The following LINGO2 variants were observed in gnomAD, a reference collection of about 807,000 sequenced individuals.
The protein encoded by LINGO2 is leucine rich repeat and Ig domain containing 2, also known as leucine-rich repeat and immunoglobulin-like domain-containing nogo receptor-interacting protein 2.
LINGO2 carries 14 observed loss-of-function variants against 30.6 expected under a neutral mutation model. The ratio of observed to expected loss-of-function variants is 0.46; its 90% confidence interval spans 0.30 to 0.72. The LOEUF (loss-of-function observed/expected upper bound fraction) is 0.72, where lower values mean the gene tolerates loss of function less well. Among genes scored for constraint, LINGO2 ranks in the 30% least tolerant of loss-of-function variants. LINGO2 has a pLI of 0.07. For synonymous variants in LINGO2, 317 were observed against 288.5 expected, an observed-to-expected ratio of 1.10 and a Z score of -1.00; for missense variants, 729 against 751.7, an observed-to-expected ratio of 0.97 and a Z score of 0.35.
the LINGO2 span, among the ~76,000 whole-genome samples, chr9:29,135,317 T>C: frequency 6.6e-6 from 1 of 152,214 alleles, no homozygotes; most frequent in African/African-American, 2.4e-5. Flanking sequence ...CCCAGCACTT[T>C]TGGAGGCCAA....
chr9:28,204,389 C>T (rs1820341403), intron 4 of LINGO2, among the ~76,000 whole-genome samples: 1 of 152,182 alleles, frequency 6.6e-6, no homozygotes, highest in African/African-American at 2.4e-5. Context: ...AAAGGACCTA[C>T]TCACACACAT....
At chr9:28,903,328 G>A in the LINGO2 span, among the ~76,000 whole-genome samples, 1 of 152,026 alleles carries the variant, frequency 6.6e-6, no homozygotes, top group Non-Finnish European at 1.5e-5. Flanking sequence ...GACTCATGAA[G>A]AAACAGAAAA....
chr9:28,681,504 G>A, the LINGO2 span, among the ~76,000 whole-genome samples: 1 of 151,962 alleles, frequency 6.6e-6, no homozygotes, highest in African/African-American at 2.4e-5. Flanking sequence ...AGACAAGCAG[G>A]GATGTGGAAA....
At chr9:28,262,960 C>T (rs1822617730) in intron 4 of LINGO2, among the ~76,000 whole-genome samples, 1 of 152,012 alleles carries the variant, frequency 6.6e-6, no homozygotes, top group Admixed American at 6.6e-5. Flanking sequence ...ACAACACACA[C>T]ATTTATTCCC....
At chr9:28,615,277 T>A (rs1826089586) in intron 1 of LINGO2, among the ~76,000 whole-genome samples, 1 of 152,142 alleles carries the variant, frequency 6.6e-6, no homozygotes, top group Non-Finnish European at 1.5e-5. Context: ...AATATTCACT[T>A]AATATGTTCA....
At chr9:28,506,437 C>T (rs1820124576) in intron 1 of LINGO2, among the ~76,000 whole-genome samples, 1 of 106,918 alleles carries the variant, frequency 9.4e-6, no homozygotes, top group South Asian at 3.1e-4. Context: ...CACACACACA[C>T]ACACACACAC....
At chr9:28,875,996 A>G in the LINGO2 span, among the ~76,000 whole-genome samples, 12 of 152,042 alleles carry the variant, frequency 7.9e-5, no homozygotes, top group African/African-American at 2.7e-4. Context: ...ATATTTTCCA[A>G]AAAAAATCAA....
intron 2 of LINGO2, among the ~76,000 whole-genome samples, chr9:28,398,269 G>A (rs555202370): frequency 7.2e-5 from 11 of 152,282 alleles, no homozygotes; most frequent in Admixed American, 5.9e-4. Context: ...TTTAGAAGGC[G>A]TTGAATGAAA....
At chr9:28,433,945 CTCTCTA>C (rs58312225) in intron 2 of LINGO2, among the ~76,000 whole-genome samples, 7,299 of 57,188 alleles carry the variant, frequency 0.13, 410 homozygotes, top group African/African-American at 0.19. Context: ...CTCTCTCTCT[CTCTCTA>C]TATATATATA....
intron 2 of LINGO2, among the ~76,000 whole-genome samples, chr9:28,402,279 C>T (rs770572211): frequency 2.0e-5 from 3 of 152,034 alleles, no homozygotes; most frequent in Non-Finnish European, 4.4e-5. Flanking sequence ...ATTTGTATTT[C>T]CTCTCTCTTT....
chr9:28,855,837 A>C, the LINGO2 span, among the ~76,000 whole-genome samples: 1 of 152,062 alleles, frequency 6.6e-6, no homozygotes, highest in Non-Finnish European at 1.5e-5. Context: ...GTTTGCTCTC[A>C]GACTTTAGGG....
intron 3 of LINGO2, among the ~76,000 whole-genome samples, chr9:28,325,918 T>A (rs1016013283): frequency 5.9e-5 from 9 of 152,172 alleles, no homozygotes; most frequent in Non-Finnish European, 8.8e-5. Flanking sequence ...TCAATCTCTC[T>A]CCCCTACTGC....
the LINGO2 span, among the ~76,000 whole-genome samples, chr9:28,752,975 G>C: frequency 1.3e-5 from 2 of 152,136 alleles, no homozygotes; most frequent in South Asian, 2.1e-4. Flanking sequence ...GGTACCCAGC[G>C]AATGGGACAC....
the LINGO2 span, among the ~76,000 whole-genome samples, chr9:28,825,083 G>T: frequency 6.6e-6 from 1 of 152,082 alleles, no homozygotes; most frequent in Non-Finnish European, 1.5e-5. Context: ...AAAAGTGTAA[G>T]TCTTATTTGG....
chr9:28,526,298 T>G (rs1821034914), intron 1 of LINGO2, among the ~76,000 whole-genome samples: 1 of 152,140 alleles, frequency 6.6e-6, no homozygotes, highest in South Asian at 2.1e-4. Context: ...GCCAGAAAAA[T>G]AAACTGCTTT....
intron 1 of LINGO2, among the ~76,000 whole-genome samples, chr9:28,557,756 A>G (rs1186528055): frequency 6.7e-6 from 1 of 149,988 alleles, no homozygotes; most frequent in Non-Finnish European, 1.5e-5. Flanking sequence ...CCAAATGTCC[A>G]AAATGATAGA....
At chr9:28,331,016 C>A (rs1419202996) in intron 3 of LINGO2, among the ~76,000 whole-genome samples, 2 of 151,886 alleles carry the variant, frequency 1.3e-5, no homozygotes. Flanking sequence ...CTTTATTAAA[C>A]CTGTGTGAAG....
the LINGO2 span, among the ~76,000 whole-genome samples, chr9:29,034,545 T>C: frequency 6.6e-6 from 1 of 152,112 alleles, no homozygotes; most frequent in Admixed American, 6.6e-5. Flanking sequence ...TATTCCTTTT[T>C]TGGAGAGGTA....
chr9:28,796,805 T>C, the LINGO2 span, among the ~76,000 whole-genome samples: 10 of 151,878 alleles, frequency 6.6e-5, no homozygotes, highest in Non-Finnish European at 1.0e-4. Flanking sequence ...TGTCAAACAC[T>C]GGGATGCATC....
Sources: gnomAD v4.1 joint callset for allele counts (sites outside exome capture counted in the v4.1 genomes callset) on GRCh38, gnomAD v4.1.1 for gene constraint, MANE v1.5 for transcripts, NCBI Gene and HGNC (gene_info 2026-07-23, HGNC 2026-07-21) for gene names.